SLAMF1: variants seen among roughly 807,000 people sequenced by gnomAD.
SLAMF1 encodes signaling lymphocytic activation molecule.
In SLAMF1, 18 loss-of-function variants were observed where a neutral mutation model predicts 35.1. That is an observed-to-expected ratio of 0.51 (90% CI 0.35 to 0.76). SLAMF1 has a LOEUF of 0.76. SLAMF1 is among the 30% of genes least tolerant of loss of function. SLAMF1 has a pLI of 0.01. For missense variants in SLAMF1, 392 were observed against 413.0 expected (o/e 0.95, Z 0.44); for synonymous variants, 168 against 157.2 (o/e 1.07, Z -0.51).
chr1:160,637,538 G>A lies in SLAMF1; in HGVS notation c.77-9C>T, dbSNP rs368997373. ...GTTCATCATGCGCCCACCTGTGGGA[G>A]GGAGGAGAAGAGAGTCCCTTATTAT... On this transcript the variant is annotated splice_polypyrimidine_tract_variant and intron_variant, in intron 1 of 6. Transcript: ENST00000302035. The A allele has an allele frequency of 1.9e-6, 3 of 1,598,578 alleles. No homozygotes were observed. Among genetic ancestry groups the A allele is most frequent in the East Asian group, 2.2e-5 (1 of 44,788 alleles).
intron 3 of SLAMF1, among the ~76,000 whole-genome samples, chr1:160,628,638 G>C (rs529844402): frequency 6.6e-6 from 1 of 152,216 alleles, no homozygotes; most frequent in South Asian, 2.1e-4. Flanking sequence ...ACAATATAGG[G>C]CAGGAGGGCA....
rs1658825908 is a variant in SLAMF1 at position 160,608,744 on chromosome 1, A to G, written c.*2004T>C. ...AGTTGTAGTAAAGGAATGGGTGCTC[A>G]TAAGCCCGGGTTTACAAATCTTCAT... is the stretch of plus-strand genomic sequence containing the variant. On this transcript the variant is annotated 3_prime_UTR_variant, in exon 7 of 7. Coordinates refer to ENST00000302035, the MANE Select transcript of SLAMF1 (RefSeq NM_003037.5). The G allele has an allele frequency of 3.7e-5, 1 of 27,392 alleles. No individual in the cohort carries two copies. The highest frequency in any genetic ancestry group is 5.3e-4 in the South Asian group (1 of 1,876). The allele number at this position is 27,392 out of a possible 1,614,324, so 1.7% of individuals were successfully genotyped here. A position where few individuals can be genotyped will look rare whatever the true frequency, so the allele number is the denominator to read the frequency against.
intron 1 of SLAMF1, among the ~76,000 whole-genome samples, chr1:160,645,131 A>G (rs949693666): frequency 5.9e-5 from 9 of 152,222 alleles, no homozygotes; most frequent in Non-Finnish European, 1.2e-4. Context: ...TACTTGGGGA[A>G]GGGACATGTG....
At chr1:160,611,352 C>A (rs1055637147) in intron 6 of SLAMF1, among the ~76,000 whole-genome samples, 42 of 152,216 alleles carry the variant, frequency 2.8e-4, no homozygotes, top group African/African-American at 9.4e-4. Context: ...AAGTAAACTT[C>A]ATTAAAAATC....
At chr1:160,635,593 A>G (rs1353737535) in intron 2 of SLAMF1, among the ~76,000 whole-genome samples, 1 of 142,138 alleles carries the variant, frequency 7.0e-6, no homozygotes, top group Non-Finnish European at 1.5e-5. Context: ...TTTTTTTGAG[A>G]CAGAGTCTCG....
intron 4 of SLAMF1, 67 bp from the exon 5 acceptor site, chr1:160,619,916 G>A: frequency 1.9e-6 from 2 of 1,048,004 alleles, no homozygotes; most frequent in East Asian, 4.7e-5. Flanking sequence ...ACTCAGACCT[G>A]GTCTTTACTG....
Position 160,610,032 on chromosome 1 carries a change from C to A in SLAMF1, c.*716G>T. The A allele has an allele frequency of 4.7e-6, 1 of 214,446 alleles. No homozygotes were observed. The highest frequency in any genetic ancestry group is 9.6e-6 in the Non-Finnish European group (1 of 104,220). 13.3% of individuals were successfully genotyped at this position (214,446 alleles called of 1,614,324 possible). A position where few individuals can be genotyped will look rare whatever the true frequency, so the allele number is the denominator to read the frequency against. ...TACGTTTTTCTTTAAAACTGAATGC[C>A]ATTTGCACAGAACTGTACTTTTAAG... On this transcript the variant is annotated 3_prime_UTR_variant, in exon 7 of 7. Transcript: ENST00000302035.
intron 1 of SLAMF1, among the ~76,000 whole-genome samples, chr1:160,645,136 CAT>C (rs1660970957): frequency 1.3e-5 from 2 of 152,168 alleles, no homozygotes; most frequent in Non-Finnish European, 1.5e-5. Context: ...GGGGAAGGGA[CAT>C]GTGGACTTTT....
chr1:160,619,184 A>C (rs1457250732), intron 5 of SLAMF1, among the ~76,000 whole-genome samples: 1 of 152,136 alleles, frequency 6.6e-6, no homozygotes, highest in Non-Finnish European at 1.5e-5. Context: ...CGATCCTTTT[A>C]GCGTCTCTAT....
At chr1:160,624,408 C>T (rs1490988677) in intron 3 of SLAMF1, among the ~76,000 whole-genome samples, 1 of 152,114 alleles carries the variant, frequency 6.6e-6, no homozygotes, top group Non-Finnish European at 1.5e-5. Flanking sequence ...TTCTTAATTT[C>T]ATGAAGATTT....
At chr1:160,612,980 C>T (rs1659084139) in intron 5 of SLAMF1, among the ~76,000 whole-genome samples, 1 of 152,210 alleles carries the variant, frequency 6.6e-6, no homozygotes. Flanking sequence ...GCATCCCACA[C>T]TGCCATTCCT....
chr1:160,632,546 G>C (rs1660216543), intron 3 of SLAMF1, among the ~76,000 whole-genome samples: 1 of 152,138 alleles, frequency 6.6e-6, no homozygotes, highest in Non-Finnish European at 1.5e-5. Flanking sequence ...AGTGCCCTTA[G>C]TATAAGCTTT....
At chr1:160,616,503 T>C (rs1006021836) in intron 5 of SLAMF1, among the ~76,000 whole-genome samples, 7 of 152,164 alleles carry the variant, frequency 4.6e-5, no homozygotes, top group Non-Finnish European at 4.4e-5. Context: ...TAAAAAGGAC[T>C]AGACTAAATT....
chr1:160,645,248 C>T (rs996255859), intron 1 of SLAMF1, among the ~76,000 whole-genome samples: 2 of 152,114 alleles, frequency 1.3e-5, no homozygotes, highest in Admixed American at 1.3e-4. Context: ...CTTGCTTGGG[C>T]AAATCTGTCA....
chr1:160,636,667 T>C (rs189089958), intron 2 of SLAMF1, among the ~76,000 whole-genome samples: 1 of 152,374 alleles, frequency 6.6e-6, no homozygotes, highest in East Asian at 1.9e-4. Context: ...AGGTATGATC[T>C]GGTGCCGGAA....
At chr1:160,621,830 C>T (rs1477813993) in intron 4 of SLAMF1, among the ~76,000 whole-genome samples, 1 of 147,126 alleles carries the variant, frequency 6.8e-6, no homozygotes, top group African/African-American at 2.6e-5. Flanking sequence ...CAGAGTTGAT[C>T]CTGACTGAGG....
chr1:160,630,372 AT>A (rs1660101741), intron 3 of SLAMF1, among the ~76,000 whole-genome samples: 1 of 152,254 alleles, frequency 6.6e-6, no homozygotes, highest in Non-Finnish European at 1.5e-5. Context: ...CAAGGAACAT[AT>A]AAGTTTTTGC....
Position 160,642,465 on chromosome 1 carries a change from C to T in SLAMF1, c.76+4405G>A, listed in dbSNP as rs1353483819. Reference sequence around the variant, plus strand: ...TTCATATCATTCATCACGTGTTCAACTCTGGTTCAATGCCTGTAATCCCCC... The same window carrying T: ...TTCATATCATTCATCACGTGTTCAATTCTGGTTCAATGCCTGTAATCCCCC... On this transcript the variant is annotated intron_variant, in intron 1 of 6. Transcript: ENST00000302035. This position sits in a 1 kb window ranked among gnomAD's most constrained non-coding sequence, Gnocchi z 4.2. 6.6e-6 allele frequency among the ~76,000 whole-genome samples: 1 copy of T among 152,174 alleles called. No homozygotes were observed. The highest frequency in any genetic ancestry group is 2.4e-5 in the African/African-American group (1 of 41,430).
At chr1:160,638,772 G>A (rs2102351827) in intron 1 of SLAMF1, among the ~76,000 whole-genome samples, 1 of 152,046 alleles carries the variant, frequency 6.6e-6, no homozygotes, top group East Asian at 1.9e-4. Context: ...GCTTTCTCAG[G>A]GGTACTTGAC....
Sources: allele counts gnomAD v4.1 joint callset (sites outside exome capture counted in the v4.1 genomes callset), GRCh38; gene constraint gnomAD v4.1.1; non-coding constraint Gnocchi (gnomAD v3.1); transcripts MANE v1.5; gene names NCBI Gene and HGNC (gene_info 2026-07-23, HGNC 2026-07-21).